The following ENTREP2 variants were observed in gnomAD, a reference collection of about 807,000 sequenced individuals.
ENTREP2 encodes the protein protein ENTREP2.
At chr15:29,232,418 G>A in the ENTREP2 span, among the ~76,000 whole-genome samples, 1 of 151,540 alleles carries the variant, frequency 6.6e-6, no homozygotes, top group Non-Finnish European at 1.5e-5. Flanking sequence ...TTAAAAAAAA[G>A]TTTTTGAAAG....
the ENTREP2 span, among the ~76,000 whole-genome samples, chr15:29,665,939 C>T: frequency 2.0e-5 from 3 of 148,462 alleles, no homozygotes; most frequent in Non-Finnish European, 4.4e-5. Flanking sequence ...CTACAACCTT[C>T]GCCTCCCGGG....
the ENTREP2 span, among the ~76,000 whole-genome samples, chr15:29,137,532 C>A: frequency 6.6e-6 from 1 of 152,126 alleles, no homozygotes; most frequent in Non-Finnish European, 1.5e-5. Context: ...GCCTGACGTG[C>A]GTGGTTTAAG....
chr15:29,265,664 T>C, the ENTREP2 span: 17 of 152,282 alleles, frequency 1.1e-4, no homozygotes, highest in African/African-American at 3.6e-4. Flanking sequence ...AATTACAGTA[T>C]GGTATTTGCA....
At chr15:29,517,648 G>C in the ENTREP2 span, among the ~76,000 whole-genome samples, 1 of 152,222 alleles carries the variant, frequency 6.6e-6, no homozygotes, top group East Asian at 1.9e-4. Flanking sequence ...AAAGTAAAAT[G>C]TATAATATAT....
the ENTREP2 span, chr15:29,136,639 C>A: frequency 1.1e-6 from 1 of 934,590 alleles, no homozygotes; most frequent in Non-Finnish European, 1.5e-6. Flanking sequence ...ATCAAAGCTT[C>A]AGTCACTGGG....
At chr15:29,495,494 T>C in the ENTREP2 span, among the ~76,000 whole-genome samples, 1 of 152,212 alleles carries the variant, frequency 6.6e-6, no homozygotes, top group Non-Finnish European at 1.5e-5. Flanking sequence ...GCTTTCTATG[T>C]TTTCTTCTAG....
the ENTREP2 span, among the ~76,000 whole-genome samples, chr15:29,531,222 T>C: frequency 6.6e-6 from 1 of 152,032 alleles, no homozygotes; most frequent in Non-Finnish European, 1.5e-5. Flanking sequence ...GACAGGGAGG[T>C]AGGGGACGGG....
chr15:29,584,187 G>C, the ENTREP2 span, among the ~76,000 whole-genome samples: 1 of 106,746 alleles, frequency 9.4e-6, no homozygotes, highest in Non-Finnish European at 2.6e-5. Context: ...TACAAATACA[G>C]TAAACATGTA....
At chr15:29,519,918 T>C in the ENTREP2 span, among the ~76,000 whole-genome samples, 20 of 152,248 alleles carry the variant, frequency 1.3e-4, 1 homozygote, top group South Asian at 3.9e-3. Context: ...CTAGTGACAT[T>C]CCTCCCCTGG....
At chr15:29,565,810 A>G in the ENTREP2 span, among the ~76,000 whole-genome samples, 1 of 151,912 alleles carries the variant, frequency 6.6e-6, no homozygotes. Flanking sequence ...AAAAATACAA[A>G]ATTAGCAGGG....
At chr15:29,570,288 C>T in the ENTREP2 span, among the ~76,000 whole-genome samples, 1 of 151,688 alleles carries the variant, frequency 6.6e-6, no homozygotes. Context: ...GGAATCAGCG[C>T]AATAGGAGCG....
the ENTREP2 span, among the ~76,000 whole-genome samples, chr15:29,382,382 G>C: frequency 1.3e-5 from 2 of 152,004 alleles, no homozygotes; most frequent in South Asian, 4.1e-4. Flanking sequence ...GACCCTGCAG[G>C]CTCCTTCTGC....
the ENTREP2 span, among the ~76,000 whole-genome samples, chr15:29,223,118 C>G: frequency 6.6e-6 from 1 of 152,200 alleles, no homozygotes; most frequent in Non-Finnish European, 1.5e-5. Flanking sequence ...GCTGACTGGT[C>G]ACCTGACGGC....
chr15:29,527,472 T>G, the ENTREP2 span, among the ~76,000 whole-genome samples: 8 of 152,180 alleles, frequency 5.3e-5, no homozygotes, highest in African/African-American at 7.2e-5. Flanking sequence ...CAATAGTTTG[T>G]GTCCCTGTTG....
the ENTREP2 span, among the ~76,000 whole-genome samples, chr15:29,552,069 T>C: frequency 2.0e-5 from 3 of 152,152 alleles, no homozygotes; most frequent in Non-Finnish European, 2.9e-5. Flanking sequence ...TCTCCTAAAT[T>C]GGACAGCATG....
At chr15:29,462,055 TC>T in the ENTREP2 span, among the ~76,000 whole-genome samples, 1 of 152,204 alleles carries the variant, frequency 6.6e-6, no homozygotes, top group Non-Finnish European at 1.5e-5. Flanking sequence ...TCAAGGTTCA[TC>T]CATGGTGCAG....
chr15:29,420,353 G>C, the ENTREP2 span, among the ~76,000 whole-genome samples: 2 of 152,172 alleles, frequency 1.3e-5, no homozygotes, highest in African/African-American at 4.8e-5. Flanking sequence ...AGAGGACAAG[G>C]GAACTCCTGG....
At chr15:29,498,176 C>T in the ENTREP2 span, among the ~76,000 whole-genome samples, 10 of 152,136 alleles carry the variant, frequency 6.6e-5, no homozygotes, top group Admixed American at 2.6e-4. Context: ...GTTTCCCCTT[C>T]ACCTTCTGCT....
At chr15:29,220,882 C>T in the ENTREP2 span, among the ~76,000 whole-genome samples, 4 of 150,416 alleles carry the variant, frequency 2.7e-5, no homozygotes, top group East Asian at 1.9e-4. Flanking sequence ...GTCTTCATTT[C>T]GTCATATTCC....
Sources: gnomAD v4.1 joint callset for allele counts (sites outside exome capture counted in the v4.1 genomes callset) on GRCh38, gnomAD v4.1.1 for gene constraint, MANE v1.5 for transcripts, NCBI Gene and HGNC (gene_info 2026-07-23, HGNC 2026-07-21) for gene names.